Variants in CNTN5 observed in about 807,000 individuals in gnomAD.
CNTN5 encodes the protein contactin-5.
A neutral mutation model predicts 129.1 loss-of-function variants in CNTN5; 77 were observed. That is an observed-to-expected ratio of 0.60 (90% CI 0.50 to 0.72). The LOEUF (loss-of-function observed/expected upper bound fraction) is 0.72. Among genes scored for constraint, CNTN5 ranks in the 30% least tolerant of loss-of-function variants. CNTN5 has a pLI of 0.00. For synonymous variants in CNTN5, 509 were observed against 465.6 expected, an observed-to-expected ratio of 1.09 and a Z score of -1.20; for missense variants, 1,478 against 1,328.8, an observed-to-expected ratio of 1.11 and a Z score of -1.75.
intron 18 of CNTN5, among the ~76,000 whole-genome samples, chr11:100,295,200 T>C (rs906110923): frequency 6.6e-6 from 1 of 151,654 alleles, no homozygotes; most frequent in Admixed American, 6.6e-5. Flanking sequence ...CTTATTTCTT[T>C]ACATTAAGTT....
In CNTN5 at chr11:100,356,244, T is replaced by C; in HGVS notation, c.*24T>C. 6.6e-7 allele frequency: 1 copy of C among 1,511,586 alleles called. No individual in the cohort carries two copies. The allele number at this position is 1,511,586 out of a possible 1,614,324, so 93.6% of individuals were successfully genotyped here. A position where few individuals can be genotyped will look rare whatever the true frequency, so the allele number is the denominator to read the frequency against. ...GAAAACTGCTGACTTAATTTGCTTT[T>C]GTTTGCTTTAGCTTGGTAACAGCGG... On this transcript the variant is annotated 3_prime_UTR_variant, in exon 25 of 25. Coordinates refer to ENST00000524871, the MANE Select transcript of CNTN5 (RefSeq NM_014361.4).
intron 1 of CNTN5, among the ~76,000 whole-genome samples, chr11:99,228,065 CT>C (rs565618567): frequency 0.017 from 2,632 of 151,194 alleles, 40 homozygotes; most frequent in African/African-American, 0.038. Flanking sequence ...GATATTTTCA[CT>C]TTTTTTTTGA....
intron 3 of CNTN5, among the ~76,000 whole-genome samples, chr11:99,610,815 G>C (rs1158231212): frequency 6.6e-6 from 1 of 152,090 alleles, no homozygotes; most frequent in East Asian, 1.9e-4. Context: ...ATTTCCCCAA[G>C]GTAAGGGTAT....
At chr11:100,170,725 G>A (rs1325774456) in intron 13 of CNTN5, among the ~76,000 whole-genome samples, 1 of 151,862 alleles carries the variant, frequency 6.6e-6, no homozygotes, top group African/African-American at 2.4e-5. Flanking sequence ...CAAATTGGAA[G>A]TCAGAAATGG....
At chr11:99,129,936 C>T (rs1298129433) in intron 1 of CNTN5, among the ~76,000 whole-genome samples, 3 of 152,156 alleles carry the variant, frequency 2.0e-5, no homozygotes, top group Non-Finnish European at 4.4e-5. Flanking sequence ...CACCACCAGG[C>T]CTGCCATGCA....
chr11:100,133,842 A>G (rs1396695016), intron 13 of CNTN5, among the ~76,000 whole-genome samples: 1 of 152,140 alleles, frequency 6.6e-6, no homozygotes, highest in African/African-American at 2.4e-5. Context: ...TAAAAATTGA[A>G]CACTACAATT....
In CNTN5 at chr11:100,326,696, G is replaced by C. The variant is rs140941557; in HGVS notation, c.2731-13767G>C. 2.6e-4 allele frequency among the ~76,000 whole-genome samples: 40 copies of C among 152,126 alleles called. No individual in the cohort carries two copies. The East Asian group carries it at 7.0e-3, about 26-fold the overall frequency. On this transcript the variant is annotated intron_variant, in intron 21 of 24. Coordinates refer to ENST00000524871, the MANE Select transcript of CNTN5 (RefSeq NM_014361.4). ...CCATAAAGCAATCATGAATAAATTA[G>C]GATAATTTCACATGTGATAGTTGTA...
chr11:99,227,369 AAAAG>A (rs1257618319), intron 1 of CNTN5, among the ~76,000 whole-genome samples: 3 of 151,908 alleles, frequency 2.0e-5, no homozygotes, highest in Admixed American at 6.6e-5. Context: ...CAAAAAAAAA[AAAAG>A]AAAGAAAAAT....
intron 2 of CNTN5, among the ~76,000 whole-genome samples, chr11:99,356,484 A>G (rs975639816): frequency 6.6e-6 from 1 of 152,218 alleles, no homozygotes; most frequent in Non-Finnish European, 1.5e-5. Flanking sequence ...ATATTTACAT[A>G]CTTTTCAGCA....
intron 1 of CNTN5, among the ~76,000 whole-genome samples, chr11:99,291,721 C>T (rs1054614835): frequency 6.6e-6 from 1 of 151,972 alleles, no homozygotes; most frequent in African/African-American, 2.4e-5. Context: ...AAAGTTCCTA[C>T]AACAGAAAAG....
chr11:99,497,027 T>C (rs917832409), intron 2 of CNTN5, among the ~76,000 whole-genome samples: 2 of 152,252 alleles, frequency 1.3e-5, no homozygotes, highest in African/African-American at 4.8e-5. Flanking sequence ...TTTACTCATC[T>C]GTGAAATGTA....
intron 21 of CNTN5, among the ~76,000 whole-genome samples, chr11:100,335,477 A>C (rs1653785092): frequency 6.6e-6 from 1 of 152,194 alleles, no homozygotes; most frequent in East Asian, 1.9e-4. Flanking sequence ...GTCTACTAAG[A>C]AGAACCATCC....
intron 18 of CNTN5, among the ~76,000 whole-genome samples, chr11:100,291,751 TAATA>T (rs201648211): frequency 0.024 from 3,010 of 123,672 alleles, 89 homozygotes; most frequent in African/African-American, 0.072. Context: ...TAAAGTATAA[TAATA>T]AATAAATAAA....
At chr11:100,146,520 C>T (rs754113659) in intron 13 of CNTN5, among the ~76,000 whole-genome samples, 2 of 152,052 alleles carry the variant, frequency 1.3e-5, no homozygotes, top group Non-Finnish European at 2.9e-5. Flanking sequence ...GAAACATTCT[C>T]TCATTATTTC....
chr11:99,288,712 GA>G (rs1161071694), intron 1 of CNTN5, among the ~76,000 whole-genome samples: 2 of 151,804 alleles, frequency 1.3e-5, no homozygotes, highest in African/African-American at 4.8e-5. Flanking sequence ...CACTTAACAT[GA>G]AAACTAAATT....
Position 99,374,115 on chromosome 11 carries a change from C to T in CNTN5, c.-71+48631C>T, listed in dbSNP as rs559457162. 2.3e-3 allele frequency among the ~76,000 whole-genome samples: 351 copies of T among 152,266 alleles called. 5 individuals carry two copies. The highest frequency in any genetic ancestry group is 8.3e-4 in the South Asian group (4 of 4,826). On this transcript the variant is annotated intron_variant, in intron 2 of 24. Transcript: ENST00000524871. The stretch of plus-strand genomic sequence containing the variant: ...AGATCAGAAGGTCATTTGCAATTCG[C>T]TAACTGGTTAATGACACAATTGAAT...
chr11:99,881,337 C>T (rs563065532), intron 6 of CNTN5, among the ~76,000 whole-genome samples: 100 of 152,304 alleles, frequency 6.6e-4, no homozygotes, highest in Non-Finnish European at 1.1e-3. Flanking sequence ...AAAATGCCTA[C>T]TCCCAACTTT....
Position 100,350,781 on chromosome 11 carries a change from A to T in CNTN5, c.3110A>T (p.Asp1037Val). The change falls in exon 24 of 25, where the codon GAT (aspartate) becomes GTT (valine). Residue 1037 changes from aspartate (D) to valine (V), a missense_variant. By Grantham distance (152) the Asp-to-Val change is radical (BLOSUM62 -3). Transcript: ENST00000524871. ...CTTCAAGCAGTAGTACCACTCCCAGATGCTGGAGTCTATATTATTGAAGTT... is the reference window on the plus strand; with the variant it reads ...CTTCAAGCAGTAGTACCACTCCCAGTTGCTGGAGTCTATATTATTGAAGTT... The part of the protein sequence containing the change: ...QKLQAVVPLP[D>V]AGVYIIEVRA... 1 of 1,609,206 alleles carries T rather than the reference A, an allele frequency of 6.2e-7. No homozygotes were observed.
intron 8 of CNTN5, among the ~76,000 whole-genome samples, chr11:99,983,821 G>A (rs1304613184): frequency 6.6e-6 from 1 of 152,128 alleles, no homozygotes; most frequent in Admixed American, 6.5e-5. Flanking sequence ...GGATAAATTA[G>A]GAAGGCATCA....
Sources: gnomAD v4.1 joint callset for allele counts (sites outside exome capture counted in the v4.1 genomes callset) on GRCh38, gnomAD v4.1.1 for gene constraint, MANE v1.5 for transcripts, NCBI Gene and HGNC (gene_info 2026-07-23, HGNC 2026-07-21) for gene names.